Variants in CTCF observed in about 807,000 individuals in gnomAD.
CTCF encodes the protein CCCTC-binding factor.
Under a neutral mutation model 72.3 loss-of-function variants are expected in CTCF, and 7 were observed. The observed-to-expected ratio is 0.10, with a 90% confidence interval of 0.06 to 0.18. The LOEUF (loss-of-function observed/expected upper bound fraction) is 0.18. Ranked by LOEUF, CTCF falls within the 10% of genes least tolerant of loss-of-function variation. CTCF has a pLI of 1.00. For synonymous variants in CTCF, 374 were observed against 315.8 expected (o/e 1.18, Z -1.95); for missense variants, 516 against 949.1 (o/e 0.54, Z 6.00).
chr16:67,629,922 C>G (rs1025241773), intron 10 of CTCF, among the ~76,000 whole-genome samples: 1 of 150,868 alleles, frequency 6.6e-6, no homozygotes, highest in African/African-American at 2.4e-5. Context: ...CTACAGGCGC[C>G]CACCACCAGG....
At chr16:67,604,576 C>T (rs2051944129) in intron 2 of CTCF, among the ~76,000 whole-genome samples, 1 of 152,118 alleles carries the variant, frequency 6.6e-6, no homozygotes, top group African/African-American at 2.4e-5. Flanking sequence ...CTCCTGACCT[C>T]ATGATCCACC....
At chr16:67,602,261 T>C (rs1435359837) in intron 2 of CTCF, among the ~76,000 whole-genome samples, 1 of 152,212 alleles carries the variant, frequency 6.6e-6, no homozygotes, top group Non-Finnish European at 1.5e-5. Context: ...CATCAAATTA[T>C]ATGCTACAAA....
Position 67,614,150 on chromosome 16 carries a change from C to T in CTCF, c.952+2029C>T, listed in dbSNP as rs1210296989. Among the ~76,000 whole-genome samples, 16 of 150,964 alleles carry T rather than the reference C, an allele frequency of 1.1e-4. 1 individual carries two copies. The highest frequency in any genetic ancestry group is 2.4e-4 in the Non-Finnish European group (16 of 67,642). ...TCACCTGAGGTCAGGAGTTCAAGAC[C>T]AGCCTGGCTAACATGACGAAACCTC... On this transcript the variant is annotated intron_variant, in intron 4 of 11. Coordinates refer to ENST00000264010, the MANE Select transcript of CTCF (RefSeq NM_006565.4).
intron 2 of CTCF, among the ~76,000 whole-genome samples, chr16:67,587,045 T>G (rs2051677956): frequency 6.6e-6 from 1 of 151,816 alleles, no homozygotes; most frequent in Non-Finnish European, 1.5e-5. Context: ...TGAGCCACTG[T>G]GCCTGGCCTG....
At chr16:67,621,394 A>T (rs2052196988) in intron 6 of CTCF, 48 bp from the exon 7 acceptor site, 3 of 1,366,902 alleles carry the variant, frequency 2.2e-6, no homozygotes, top group East Asian at 4.6e-5. Flanking sequence ...GTTAAATTAC[A>T]GTATTTATTC....
intron 2 of CTCF, among the ~76,000 whole-genome samples, chr16:67,591,791 C>G (rs1185327398): frequency 1.3e-5 from 2 of 152,032 alleles, no homozygotes; most frequent in Admixed American, 6.6e-5. Context: ...GTGATGATAG[C>G]TTACTGCAGC....
Position 67,621,603 on chromosome 16 carries a change from AAC to A in CTCF, c.1357+13_1357+14del. On this transcript the variant is annotated intron_variant, in intron 7 of 11. Coordinates refer to ENST00000264010, the MANE Select transcript of CTCF (RefSeq NM_006565.4). ...AAAAAGTGATTTGGGTAAGTAGATT[AAC>A]TAGTGAGAAGTGAAAAAAATATTTT... The A allele has an allele frequency of 6.3e-7, 1 of 1,576,334 alleles. No individual in the cohort carries two copies. The highest frequency in any genetic ancestry group is 8.7e-7 in the Non-Finnish European group (1 of 1,149,618).
In CTCF at chr16:67,584,337, C is replaced by CTTT. The variant is rs904086024; in HGVS notation, c.-10+13092_-10+13094dup. ...CTCCTTCTCAAAAAAAAAAAGTCTT[C>CTTT]TTTTTTTTTTTTTTTTTTTTTGAGA... On this transcript the variant is annotated intron_variant, in intron 2 of 11. Transcript: ENST00000264010. Among the ~76,000 whole-genome samples the CTTT allele has an allele frequency of 3.6e-3, 378 of 105,744 alleles. 2 individuals carry two copies. Among genetic ancestry groups the CTTT allele is most frequent in the Non-Finnish European group, 4.1e-3 (221 of 54,252 alleles). 69.4% of individuals were successfully genotyped at this position (105,744 alleles called of 152,430 possible).
intron 2 of CTCF, among the ~76,000 whole-genome samples, chr16:67,608,266 G>A (rs2052004200): frequency 6.6e-6 from 1 of 151,408 alleles, no homozygotes; most frequent in Non-Finnish European, 1.5e-5. Flanking sequence ...GGAGCTTGCA[G>A]TGAGCGGAGA....
In CTCF at chr16:67,637,968, A is replaced by G. The variant is rs1160705401; in HGVS notation, c.*96A>G. ...CCTTCTTTCTTTTTTTGGCTTTGGG[A>G]AAAGCATCATTTTACCAAACATACC... is the stretch of plus-strand genomic sequence containing the variant. On this transcript the variant is annotated 3_prime_UTR_variant, in exon 12 of 12. Coordinates refer to ENST00000264010, the MANE Select transcript of CTCF (RefSeq NM_006565.4). The G allele has an allele frequency of 8.6e-7, 1 of 1,169,530 alleles. No individual in the cohort carries two copies. Among genetic ancestry groups the G allele is most frequent in the Non-Finnish European group, 1.2e-6 (1 of 851,966 alleles). The allele number at this position is 1,169,530 out of a possible 1,614,324, so 72.4% of individuals were successfully genotyped here. A position where few individuals can be genotyped will look rare whatever the true frequency, so the allele number is the denominator to read the frequency against.
chr16:67,624,069 ATATGTG>A lies in CTCF; in HGVS notation c.1357+2480_1358-2479del, dbSNP rs777453347. Among the ~76,000 whole-genome samples the A allele has an allele frequency of 9.0e-3, 823 of 91,450 alleles. 4 individuals are homozygous for A. Among genetic ancestry groups the A allele is most frequent in the Non-Finnish European group, 0.013 (581 of 45,530 alleles). 60.0% of individuals were successfully genotyped at this position (91,450 alleles called of 152,430 possible). A position where few individuals can be genotyped will look rare whatever the true frequency, so the allele number is the denominator to read the frequency against. On this transcript the variant is annotated intron_variant, in intron 7 of 11. Coordinates refer to ENST00000264010, the MANE Select transcript of CTCF (RefSeq NM_006565.4). ...TCTCAAAAAAAAAAAAAAAAATTATATATGTGTGTGTGTGTGTGTGTGTGTGTGTGT... is the reference window on the plus strand; with the variant it reads ...TCTCAAAAAAAAAAAAAAAAATTATATGTGTGTGTGTGTGTGTGTGTGTGT...
rs771567232 is a variant in CTCF, at chr16:67,610,917, C to A, written c.85C>A (p.Arg29=). 6.5e-7 allele frequency: 1 copy of A among 1,539,704 alleles called. No individual in the cohort carries two copies. The change falls in exon 3 of 12, where the codon CGG becomes AGG. Residue 29 remains arginine, a synonymous_variant. Transcript: ENST00000264010. ...GGAGAGAAAGACTTACCAGAGACGC[C>A]GGGAAGGGGGCCAGGAAGAAGATGC... ...GKERKTYQRR[R]EGGQEEDACH...
chr16:67,593,770 G>A (rs2051776812), intron 2 of CTCF, among the ~76,000 whole-genome samples: 1 of 152,118 alleles, frequency 6.6e-6, no homozygotes, highest in South Asian at 2.1e-4. Context: ...TGGATAGTAA[G>A]CAGTATATTA....
At chr16:67,632,434 T>C (rs976612846) in intron 10 of CTCF, among the ~76,000 whole-genome samples, 4 of 152,214 alleles carry the variant, frequency 2.6e-5, no homozygotes, top group African/African-American at 2.4e-5. Context: ...CCAGGCCTTA[T>C]ACCTAGTGAC....
At chr16:67,601,089 A>G (rs2051879718) in intron 2 of CTCF, among the ~76,000 whole-genome samples, 1 of 152,120 alleles carries the variant, frequency 6.6e-6, no homozygotes, top group Non-Finnish European at 1.5e-5. Flanking sequence ...CTAGAAGCGC[A>G]GTCCCCAGGG....
At chr16:67,613,772 C>G (rs1414976209) in intron 4 of CTCF, among the ~76,000 whole-genome samples, 1 of 152,098 alleles carries the variant, frequency 6.6e-6, no homozygotes, top group African/African-American at 2.4e-5. Context: ...CAAGACTCTG[C>G]CTCACCAAAA....
chr16:67,620,625 T>C lies in CTCF; in HGVS notation c.1087-72T>C. 4 of 1,325,632 alleles carry C rather than the reference T, an allele frequency of 3.0e-6. No individual in the cohort carries two copies. In the South Asian group the frequency reaches 7.3e-5, roughly 24 times the overall value. 82.1% of individuals were successfully genotyped at this position (1,325,632 alleles called of 1,614,324 possible). On this transcript the variant is annotated intron_variant, in intron 5 of 11. Transcript: ENST00000264010. ...TCAGTGCCCCAAAGCTAAGCTTTTG[T>C]GCCTAACCTACTGTGCTCTTGTTAC...
intron 3 of CTCF, 62 bp from the exon 4 acceptor site, chr16:67,611,889 A>G (rs2052067309): frequency 7.0e-7 from 1 of 1,422,324 alleles, no homozygotes; most frequent in Admixed American, 1.9e-5. Flanking sequence ...GAAATTTAAG[A>G]TTAGGATTAA....
chr16:67,620,866 A>C (rs2142848464), intron 6 of CTCF, 49 bp downstream of exon 6: 1 of 1,490,912 alleles, frequency 6.7e-7, no homozygotes, highest in Non-Finnish European at 9.1e-7. Context: ...TTTTCAGTGA[A>C]TCCCATGGGA....
Sources: allele counts gnomAD v4.1 joint callset (sites outside exome capture counted in the v4.1 genomes callset), GRCh38; gene constraint gnomAD v4.1.1; transcripts MANE v1.5; gene names NCBI Gene and HGNC (gene_info 2026-07-23, HGNC 2026-07-21).